Variants in ATG4C observed in about 807,000 individuals in gnomAD.
ATG4C encodes cysteine protease ATG4C.
A neutral mutation model predicts 57.6 loss-of-function variants in ATG4C; 56 were observed. The observed-to-expected ratio is 0.97, with a 90% CI of 0.78 to 1.21. The LOEUF (loss-of-function observed/expected upper bound fraction) is 1.21, where lower values mean the gene tolerates loss of function less well. ATG4C is among the 50% of genes most tolerant of loss of function. The pLI is 0.00. For synonymous variants in ATG4C, 157 were observed against 174.1 expected (o/e 0.90, Z 0.78); for missense variants, 595 against 529.8 (o/e 1.12, Z -1.21).
intron 1 of ATG4C, among the ~76,000 whole-genome samples, chr1:62,790,269 C>A (rs1386498059): frequency 6.6e-6 from 1 of 152,176 alleles, no homozygotes; most frequent in Non-Finnish European, 1.5e-5. Flanking sequence ...AATTCAAATT[C>A]AACACTGCAG....
intron 3 of ATG4C, among the ~76,000 whole-genome samples, chr1:62,815,706 T>G (rs753620060): frequency 6.6e-6 from 1 of 152,116 alleles, no homozygotes; most frequent in African/African-American, 2.4e-5. Flanking sequence ...TTTTTAGAAA[T>G]GAGGATCTCA....
intron 2 of ATG4C, among the ~76,000 whole-genome samples, chr1:62,804,516 T>C (rs1476373692): frequency 2.0e-5 from 3 of 152,084 alleles, no homozygotes; most frequent in African/African-American, 4.8e-5. Flanking sequence ...GCTTTTCAGA[T>C]ACAATTTCAG....
At chr1:62,828,047 C>G (rs1163397738) in intron 6 of ATG4C, among the ~76,000 whole-genome samples, 3 of 151,124 alleles carry the variant, frequency 2.0e-5, no homozygotes, top group Non-Finnish European at 4.5e-5. Context: ...ATTTTCTTAA[C>G]TGTGAGATGG....
intron 1 of ATG4C, among the ~76,000 whole-genome samples, chr1:62,790,543 T>C (rs1664241912): frequency 6.6e-6 from 1 of 152,226 alleles, no homozygotes. Context: ...ATTTGAATTA[T>C]TTTTTCTGTG....
intron 10 of ATG4C, among the ~76,000 whole-genome samples, chr1:62,860,548 G>A (rs766690018): frequency 3.0e-4 from 46 of 152,112 alleles, no homozygotes; most frequent in Admixed American, 4.6e-4. Context: ...GTTGTATGTG[G>A]TCCTTGTTGA....
At chr1:62,798,908 G>A (rs1419134218) in intron 1 of ATG4C, among the ~76,000 whole-genome samples, 2 of 152,140 alleles carry the variant, frequency 1.3e-5, no homozygotes, top group East Asian at 1.9e-4. Flanking sequence ...CTCCTAAAGT[G>A]CTGGGATTAT....
chr1:62,851,401 C>T (rs1666517029), intron 10 of ATG4C, among the ~76,000 whole-genome samples: 2 of 152,178 alleles, frequency 1.3e-5, no homozygotes, highest in African/African-American at 4.8e-5. Context: ...CAGGTATATT[C>T]ACTTTTAACT....
chr1:62,827,321 TACTCGC>T (rs753225535), intron 6 of ATG4C, among the ~76,000 whole-genome samples: 25 of 151,552 alleles, frequency 1.6e-4, no homozygotes, highest in Non-Finnish European at 2.8e-4. Flanking sequence ...TGCCTTAAGA[TACTCGC>T]ACTTTTTGAT....
At chr1:62,814,339 A>G (rs1280575199) in intron 3 of ATG4C, among the ~76,000 whole-genome samples, 1 of 152,128 alleles carries the variant, frequency 6.6e-6, no homozygotes, top group Non-Finnish European at 1.5e-5. Flanking sequence ...GCAGACTAAC[A>G]CAGGAACAGA....
At chr1:62,861,061 T>G (rs1291760722) in intron 10 of ATG4C, among the ~76,000 whole-genome samples, 6 of 152,226 alleles carry the variant, frequency 3.9e-5, no homozygotes, top group African/African-American at 1.4e-4. Flanking sequence ...GCTAATAAAG[T>G]AGCTTCAGTG....
chr1:62,786,111 A>T (rs1161758537), intron 1 of ATG4C, among the ~76,000 whole-genome samples: 1 of 152,242 alleles, frequency 6.6e-6, no homozygotes, highest in Non-Finnish European at 1.5e-5. Context: ...CATTTAACAG[A>T]TGAAAAAACT....
intron 10 of ATG4C, among the ~76,000 whole-genome samples, chr1:62,842,779 G>A (rs1267953396): frequency 6.6e-6 from 1 of 152,048 alleles, no homozygotes; most frequent in Non-Finnish European, 1.5e-5. Flanking sequence ...GAGATATGTG[G>A]GAACCATTCC....
chr1:62,826,381 G>A (rs1572138124), intron 6 of ATG4C, among the ~76,000 whole-genome samples: 1 of 151,408 alleles, frequency 6.6e-6, no homozygotes, highest in Admixed American at 6.6e-5. Context: ...AACTATAGGC[G>A]CCCGCCACCA....
chr1:62,796,847 C>T (rs1572096743), intron 1 of ATG4C, among the ~76,000 whole-genome samples: 1 of 152,194 alleles, frequency 6.6e-6, no homozygotes, highest in East Asian at 1.9e-4. Context: ...GTGGCTCACA[C>T]CTGTAATCCC....
At chr1:62,860,741 G>A (rs992411221) in intron 10 of ATG4C, among the ~76,000 whole-genome samples, 5 of 152,304 alleles carry the variant, frequency 3.3e-5, no homozygotes, top group African/African-American at 1.2e-4. Context: ...TGACTTTAGA[G>A]CTTAACCCCT....
intron 9 of ATG4C, among the ~76,000 whole-genome samples, chr1:62,835,761 G>A (rs1665979370): frequency 6.6e-6 from 1 of 152,014 alleles, no homozygotes; most frequent in Non-Finnish European, 1.5e-5. Flanking sequence ...AGCATCTGGA[G>A]GCCAGAGGTC....
intron 8 of ATG4C, 105 bp downstream of exon 8, chr1:62,834,221 A>G (rs545002169): frequency 1.0e-6 from 1 of 974,526 alleles, no homozygotes; most frequent in Admixed American, 2.2e-5. Context: ...CAAAACGAGT[A>G]CCTTATACAT....
intron 9 of ATG4C, chr1:62,835,255 C>A: frequency 9.1e-6 from 2 of 220,948 alleles, no homozygotes; most frequent in Non-Finnish European, 9.6e-6. Context: ...ATGCGGTTAT[C>A]TGCTAAATTA....
intron 5 of ATG4C, 38 bp downstream of exon 5, chr1:62,819,373 G>T: frequency 6.6e-7 from 1 of 1,508,312 alleles, no homozygotes. Context: ...TGTGACAGAG[G>T]TCCTCAGGAT....
Sources: gnomAD v4.1 joint callset for allele counts (sites outside exome capture counted in the v4.1 genomes callset) on GRCh38, gnomAD v4.1.1 for gene constraint, MANE v1.5 for transcripts, NCBI Gene and HGNC (gene_info 2026-07-23, HGNC 2026-07-21) for gene names.